The following MYO1E variants were observed in gnomAD, a reference collection of about 807,000 sequenced individuals.
MYO1E encodes the protein unconventional myosin-Ie.
MYO1E carries 68 observed loss-of-function variants against 151.1 expected under a neutral mutation model. The observed-to-expected ratio is 0.45, with a 90% CI of 0.37 to 0.55. The LOEUF (loss-of-function observed/expected upper bound fraction) is 0.55. Among genes scored for constraint, MYO1E ranks in the 20% least tolerant of loss-of-function variants. MYO1E has a pLI of 0.00. For missense variants in MYO1E, 1,363 were observed against 1,389.3 expected (o/e 0.98, Z 0.30); for synonymous variants, 601 against 501.7 (o/e 1.20, Z -2.64).
intron 1 of MYO1E, among the ~76,000 whole-genome samples, chr15:59,322,415 C>G (rs1361250155): frequency 6.6e-6 from 1 of 152,076 alleles, no homozygotes; most frequent in Non-Finnish European, 1.5e-5. Flanking sequence ...AAATTTTGAC[C>G]TTAAAAGCTA....
At chr15:59,282,089 G>A (rs1311603558) in intron 1 of MYO1E, among the ~76,000 whole-genome samples, 1 of 152,116 alleles carries the variant, frequency 6.6e-6, no homozygotes, top group Non-Finnish European at 1.5e-5. Flanking sequence ...ATTCCCTATT[G>A]GGCCTTTTCT....
rs564360934 is a variant in MYO1E at position 59,363,735 on chromosome 15, T to A, written c.3+8763A>T. Among the ~76,000 whole-genome samples, 50 of 152,262 alleles carry A rather than the reference T, an allele frequency of 3.3e-4. 2 individuals are homozygous for A. Among genetic ancestry groups the A allele is most frequent in the African/African-American group, 1.1e-3 (45 of 41,542 alleles). ...TATATGGAAGCCTTTTGTTATCATT[T>A]CTCCACTATATGGGGAGCTTCTCAT... is the stretch of plus-strand genomic sequence containing the variant. On this transcript the variant is annotated intron_variant, in intron 1 of 27. Transcript: ENST00000288235.
At chr15:59,262,610 C>A (rs2080230849) in intron 2 of MYO1E, among the ~76,000 whole-genome samples, 1 of 152,140 alleles carries the variant, frequency 6.6e-6, no homozygotes, top group Non-Finnish European at 1.5e-5. Flanking sequence ...AAGATCACGT[C>A]ACCGCATTCC....
At chr15:59,361,835 A>T (rs973786207) in intron 1 of MYO1E, among the ~76,000 whole-genome samples, 94 of 151,828 alleles carry the variant, frequency 6.2e-4, no homozygotes, top group Admixed American at 1.3e-3. Context: ...TTAATTTATT[A>T]ATTAATTTAT....
At chr15:59,239,319 G>A (rs571612465) in intron 4 of MYO1E, among the ~76,000 whole-genome samples, 2 of 151,016 alleles carry the variant, frequency 1.3e-5, no homozygotes, top group East Asian at 3.9e-4. Context: ...AATCACCACT[G>A]ATCAATTTCA....
intron 1 of MYO1E, among the ~76,000 whole-genome samples, chr15:59,329,516 T>G (rs1162715145): frequency 1.3e-5 from 2 of 152,282 alleles, no homozygotes; most frequent in Middle Eastern, 3.4e-3. Flanking sequence ...CAAAAGAGAT[T>G]TGACATCCAT....
intron 1 of MYO1E, among the ~76,000 whole-genome samples, chr15:59,333,045 C>T (rs1473492282): frequency 3.3e-5 from 5 of 152,034 alleles, no homozygotes; most frequent in African/African-American, 4.8e-5. Flanking sequence ...AAGACTTGAT[C>T]GTCTTATTTA....
chr15:59,238,837 C>T (rs2080081947), intron 4 of MYO1E, among the ~76,000 whole-genome samples: 1 of 151,962 alleles, frequency 6.6e-6, no homozygotes, highest in Non-Finnish European at 1.5e-5. Flanking sequence ...TCCCAAAGTG[C>T]TGGGATTACA....
chr15:59,311,322 G>A (rs1311259849), intron 1 of MYO1E, among the ~76,000 whole-genome samples: 1 of 152,050 alleles, frequency 6.6e-6, no homozygotes, highest in Non-Finnish European at 1.5e-5. Flanking sequence ...ACGTCACCTA[G>A]GTCCCTCACA....
chr15:59,272,201 G>T (rs2140382160), intron 2 of MYO1E, 105 bp downstream of exon 2: 1 of 1,326,820 alleles, frequency 7.5e-7, no homozygotes, highest in South Asian at 1.2e-5. Context: ...CTTCCAAAGT[G>T]CTGGGATTAC....
At chr15:59,191,557 C>T (rs1481593804) in intron 17 of MYO1E, among the ~76,000 whole-genome samples, 4 of 152,206 alleles carry the variant, frequency 2.6e-5, no homozygotes, top group South Asian at 2.1e-4. Flanking sequence ...GCCAAGCTTT[C>T]GAGGCAGGGA....
intron 1 of MYO1E, among the ~76,000 whole-genome samples, chr15:59,346,021 G>C (rs1161537981): frequency 6.6e-6 from 1 of 152,166 alleles, no homozygotes; most frequent in Non-Finnish European, 1.5e-5. Flanking sequence ...TTTATAGTTT[G>C]CAAAACACTT....
chr15:59,228,952 G>C (rs2080008331), intron 6 of MYO1E, among the ~76,000 whole-genome samples: 1 of 152,078 alleles, frequency 6.6e-6, no homozygotes, highest in Non-Finnish European at 1.5e-5. Flanking sequence ...TTTCCTCCAG[G>C]CAAAAAACAA....
intron 5 of MYO1E, among the ~76,000 whole-genome samples, chr15:59,232,004 A>G (rs1428827649): frequency 6.6e-6 from 1 of 152,182 alleles, no homozygotes; most frequent in African/African-American, 2.4e-5. Context: ...CCATGGCTTG[A>G]TGCAGAGTCC....
chr15:59,305,106 G>C (rs1163045084), intron 1 of MYO1E, among the ~76,000 whole-genome samples: 1 of 152,158 alleles, frequency 6.6e-6, no homozygotes, highest in Non-Finnish European at 1.5e-5. Flanking sequence ...TGGAGGTCAG[G>C]GCTTGCTTTT....
chr15:59,366,229 T>C (rs557633191), intron 1 of MYO1E, among the ~76,000 whole-genome samples: 1 of 152,162 alleles, frequency 6.6e-6, no homozygotes, highest in South Asian at 2.1e-4. Flanking sequence ...TCTGCCCACC[T>C]CGGCCCCCCA....
chr15:59,205,149 G>A (rs1205718885), intron 15 of MYO1E, among the ~76,000 whole-genome samples: 3 of 152,152 alleles, frequency 2.0e-5, no homozygotes, highest in Non-Finnish European at 2.9e-5. Flanking sequence ...GTTTTGTTTT[G>A]TTTTTGTTTT....
intron 9 of MYO1E, among the ~76,000 whole-genome samples, chr15:59,220,339 C>T (rs28654628): frequency 0.064 from 9,806 of 152,184 alleles, 1,014 homozygotes; most frequent in African/African-American, 0.22. Flanking sequence ...ATCCCAGCTA[C>T]TTGGGAGGCT....
chr15:59,158,299 G>T lies in MYO1E; in HGVS notation c.2866C>A (p.Pro956Thr), dbSNP rs765345162. ...QNANYPVRAA[P>T]PPPGYHQNGV... is the part of the protein sequence containing the mutation. ...GTAGCTGGCTTACCTGGGGGAGGAG[G>T]GGCAGCTCTCACTGGGTAGTTGGCA... The change falls in exon 25 of 28, where the codon CCT becomes ACT. Residue 956 changes from proline (P) to threonine (T), a missense_variant. By Grantham distance (38) the Pro-to-Thr change is conservative. Transcript: ENST00000288235. 1 of 1,573,396 alleles carries T rather than the reference G, an allele frequency of 6.4e-7. No individual in the cohort carries two copies. The highest frequency in any genetic ancestry group is 2.3e-5 in the East Asian group (1 of 43,440).
Sources: allele counts gnomAD v4.1 joint callset (sites outside exome capture counted in the v4.1 genomes callset), GRCh38; gene constraint gnomAD v4.1.1; transcripts MANE v1.5; gene names NCBI Gene and HGNC (gene_info 2026-07-23, HGNC 2026-07-21).